Variants in ASPH observed in about 807,000 individuals in gnomAD.
ASPH encodes the protein aspartyl/asparaginyl beta-hydroxylase.
A neutral mutation model predicts 118.4 loss-of-function variants in ASPH; 100 were observed. The observed-to-expected ratio is 0.84, with a 90% confidence interval of 0.72 to 1.00. ASPH has a LOEUF of 1.00. ASPH is among the 50% of genes least tolerant of loss of function. The probability of loss-of-function intolerance (pLI) is 0.00; values close to 1 mark genes in which losing one functional copy is unlikely to be tolerated. For missense variants in ASPH, 920 were observed against 919.5 expected, an observed-to-expected ratio of 1.00 and a Z score of -0.01; for synonymous variants, 315 against 325.6, an observed-to-expected ratio of 0.97 and a Z score of 0.35.
chr8:61,526,120 G>A lies in ASPH; in HGVS notation c.1765-8C>T. On this transcript the variant is annotated splice_polypyrimidine_tract_variant and splice_region_variant and intron_variant, in intron 21 of 24. Transcript: ENST00000379454. Reference sequence around the variant, plus strand: ...CCAGTTTCTTTCTAAAGACTAGAGGGAAGATTCTGGCTTTACTGGACTGAA... The same window carrying A: ...CCAGTTTCTTTCTAAAGACTAGAGGAAAGATTCTGGCTTTACTGGACTGAA... 6.2e-7 allele frequency: 1 copy of A among 1,613,794 alleles called. No individual in the cohort carries two copies.
rs769688947 is a variant in ASPH, at chr8:61,553,066, G to A, written c.1591C>T (p.Leu531=). Residue 531 remains leucine (L), a synonymous_variant, in exon 20 of 25, where the codon CTG becomes TTG. Transcript: ENST00000379454. ...CCAACCCTCTGCATGGCATCCCCCA[G>A]GTGGAAATAAAATCTCCCATCATCA... ...GTDDGRFYFH[L]GDAMQRVGNK... is the part of the protein sequence containing the mutation. 1.2e-6 allele frequency: 2 copies of A among 1,613,400 alleles called. No homozygotes were observed. Among genetic ancestry groups the A allele is most frequent in the African/African-American group, 2.7e-5 (2 of 74,846 alleles).
intron 16 of ASPH, among the ~76,000 whole-genome samples, chr8:61,573,602 A>C (rs975745036): frequency 1.3e-5 from 2 of 152,210 alleles, no homozygotes; most frequent in African/African-American, 2.4e-5. Flanking sequence ...TGACAAAAAC[A>C]AGCAATGGGG....
chr8:61,514,814 C>G (rs910716437), intron 24 of ASPH, among the ~76,000 whole-genome samples: 1 of 152,220 alleles, frequency 6.6e-6, no homozygotes, highest in East Asian at 1.9e-4. Context: ...AATCCTCCTG[C>G]CTTGGGCACC....
At chr8:61,579,658 T>C in intron 15 of ASPH, 1 of 1,471,756 alleles carries the variant, frequency 6.8e-7, no homozygotes, top group Non-Finnish European at 9.4e-7. Flanking sequence ...TCCTCTGACA[T>C]CCTGCCCAAG....
chr8:61,619,085 G>A, intron 13 of ASPH, 66 bp from the exon 14 acceptor site: 1 of 1,113,980 alleles, frequency 9.0e-7, no homozygotes, highest in Non-Finnish European at 1.3e-6. Flanking sequence ...CAAAATATAG[G>A]ACAATATTTA....
At chr8:61,682,852 T>G (rs1221562486) in intron 2 of ASPH, among the ~76,000 whole-genome samples, 6 of 152,086 alleles carry the variant, frequency 3.9e-5, no homozygotes, top group African/African-American at 1.4e-4. Context: ...CATGCAACAT[T>G]GTACATAGAC....
intron 15 of ASPH, among the ~76,000 whole-genome samples, chr8:61,582,090 C>T (rs145519910): frequency 2.3e-3 from 353 of 152,234 alleles, no homozygotes; most frequent in Non-Finnish European, 3.8e-3. Context: ...TAAAAACAAC[C>T]CTAAAAGACT....
chr8:61,580,917 T>G (rs995743903), intron 15 of ASPH, among the ~76,000 whole-genome samples: 6 of 152,220 alleles, frequency 3.9e-5, no homozygotes, highest in African/African-American at 1.4e-4. Context: ...GACACATATC[T>G]TTTGGGGGTC....
intron 21 of ASPH, among the ~76,000 whole-genome samples, chr8:61,529,523 T>C (rs1016551290): frequency 1.3e-5 from 2 of 152,178 alleles, no homozygotes; most frequent in Non-Finnish European, 2.9e-5. Context: ...CAGGGGCCTT[T>C]AGGGGCACTG....
At chr8:61,651,266 A>G (rs1810833575) in intron 4 of ASPH, 142 bp from the exon 5 acceptor site, 1 of 610,244 alleles carries the variant, frequency 1.6e-6, no homozygotes, top group Non-Finnish European at 2.7e-6. Flanking sequence ...CTATCAGCTT[A>G]CATTTTTTTG....
intron 14 of ASPH, among the ~76,000 whole-genome samples, chr8:61,611,162 T>C (rs1312875629): frequency 6.6e-6 from 1 of 152,200 alleles, no homozygotes; most frequent in Non-Finnish European, 1.5e-5. Context: ...TTGAGGGCGA[T>C]GGATTAGCTA....
At chr8:61,560,966 G>A (rs1467205625) in intron 18 of ASPH, among the ~76,000 whole-genome samples, 1 of 151,546 alleles carries the variant, frequency 6.6e-6, no homozygotes, top group African/African-American at 2.4e-5. Flanking sequence ...AAGCGAGAGA[G>A]GGAGGGGTAG....
chr8:61,676,622 G>C (rs571536865), intron 3 of ASPH, among the ~76,000 whole-genome samples: 1 of 152,132 alleles, frequency 6.6e-6, no homozygotes, highest in South Asian at 2.1e-4. Context: ...AAAATCAATG[G>C]ACAGTAATGG....
In ASPH at chr8:61,637,943, T is replaced by G. The variant is rs1448593213; in HGVS notation, c.889+4A>C. The G allele has an allele frequency of 1.6e-5, 25 of 1,606,758 alleles. No homozygotes were observed. Among genetic ancestry groups the G allele is most frequent in the Non-Finnish European group, 2.0e-5 (23 of 1,176,856 alleles). On this transcript the variant is annotated splice_donor_region_variant and intron_variant, in intron 12 of 24. Transcript: ENST00000379454. ...GTAAAACCACTTCCATAAATTTATCTTACCTTCTACAATTACCTGTGAATC... is the reference window on the plus strand; with the variant it reads ...GTAAAACCACTTCCATAAATTTATCGTACCTTCTACAATTACCTGTGAATC...
intron 14 of ASPH, among the ~76,000 whole-genome samples, chr8:61,602,315 T>A (rs1844231587): frequency 6.6e-6 from 1 of 151,550 alleles, no homozygotes; most frequent in Admixed American, 6.5e-5. Flanking sequence ...CTAGAATTAA[T>A]CAGTGCAATT....
chr8:61,600,117 A>T (rs1843547766), intron 14 of ASPH, among the ~76,000 whole-genome samples: 1 of 152,214 alleles, frequency 6.6e-6, no homozygotes, highest in African/African-American at 2.4e-5. Context: ...TGAAAATAAA[A>T]AAAAATACAT....
chr8:61,667,217 G>T (rs1359301622), intron 3 of ASPH, among the ~76,000 whole-genome samples: 1 of 152,026 alleles, frequency 6.6e-6, no homozygotes, highest in African/African-American at 2.4e-5. Context: ...AAGAAAAACA[G>T]GCTTATATAG....
In ASPH at chr8:61,503,461, G is replaced by T; in HGVS notation, c.2175C>A (p.His725Gln). The T allele has an allele frequency of 6.2e-7, 1 of 1,612,874 alleles. No individual in the cohort carries two copies. Among genetic ancestry groups the T allele is most frequent in the Non-Finnish European group, 8.5e-7 (1 of 1,179,496 alleles). Residue 725 changes from histidine (H) to glutamine (Q), a missense_variant, in exon 25 of 25, where the codon CAC (histidine) becomes CAA (glutamine). Physicochemically the swap from His to Gln is conservative, Grantham distance 24 (BLOSUM62 0). Transcript: ENST00000379454. ...AAGATGAGGCATCCTGCCATACCTC[G>T]TGCTCAAAGGAGTCATCAAAGATGA... ...KVLIFDDSFE[H>Q]EVWQDASSFR...
chr8:61,709,227 C>A (rs1334490503), intron 1 of ASPH, among the ~76,000 whole-genome samples: 1 of 152,032 alleles, frequency 6.6e-6, no homozygotes, highest in African/African-American at 2.4e-5. Context: ...AAATGCAGGA[C>A]AAAAGCCTGA....
Sources: gnomAD v4.1 joint callset for allele counts (sites outside exome capture counted in the v4.1 genomes callset) on GRCh38, gnomAD v4.1.1 for gene constraint, MANE v1.5 for transcripts, NCBI Gene and HGNC (gene_info 2026-07-23, HGNC 2026-07-21) for gene names.